Variants in LAMA3 observed in about 807,000 individuals in gnomAD.
LAMA3 encodes laminin subunit alpha 3.
LAMA3 carries 281 observed loss-of-function variants against 402.0 expected under a neutral mutation model. The observed-to-expected ratio is 0.70, with a 90% CI of 0.63 to 0.77. LAMA3 has a LOEUF of 0.77. LAMA3 is among the 30% of genes least tolerant of loss of function. The pLI is 0.00. For synonymous variants in LAMA3, 1,431 were observed against 1,558.4 expected, an observed-to-expected ratio of 0.92 and a Z score of 1.93; for missense variants, 3,840 against 4,215.5, an observed-to-expected ratio of 0.91 and a Z score of 2.47.
intron 12 of LAMA3, among the ~76,000 whole-genome samples, chr18:23,794,203 C>G (rs1476199411): frequency 6.6e-6 from 1 of 152,190 alleles, no homozygotes; most frequent in Non-Finnish European, 1.5e-5. Context: ...TTGACCCTCT[C>G]TGGGGAGAGT....
Position 23,915,651 on chromosome 18 carries a change from GA to G in LAMA3, c.7778+235del, listed in dbSNP as rs3837913. Reference sequence around the variant, plus strand: ...GAAATGCTAGATAGTTTTCTCACTTGAAAAAAGTCTTTATGAAAATTTTTGT... The same window carrying G: ...GAAATGCTAGATAGTTTTCTCACTTGAAAAAGTCTTTATGAAAATTTTTGT... On this transcript the variant is annotated intron_variant, in intron 59 of 74. Transcript: ENST00000313654. 3.4e-4 allele frequency among the ~76,000 whole-genome samples: 52 copies of G among 152,160 alleles called. No individual in the cohort carries two copies. The East Asian group carries it at 9.6e-3, about 28-fold the overall frequency.
At chr18:23,837,193 C>A in intron 25 of LAMA3, 104 bp downstream of exon 25, 1 of 753,180 alleles carries the variant, frequency 1.3e-6, no homozygotes, top group Non-Finnish European at 2.4e-6. Flanking sequence ...CTCCTATAAT[C>A]TGTGAAGAAT....
At position 23,864,877 on chromosome 18, in the gene LAMA3, G is replaced by C; in HGVS notation, c.4677G>C (p.Gln1559His). Reference protein sequence around the residue: ...MVLLEKKPDVQLTGQHMSIIY... With the variant: ...MVLLEKKPDVHLTGQHMSIIY... ...TTCTGGAAAAGAAGCCGGATGTACA[G>C]CTCACTGTAGGTATCAGAGCATGAC... is the stretch of plus-strand genomic sequence containing the variant. The change falls in exon 36 of 75, where the codon CAG becomes CAC. Residue 1559 changes from glutamine to histidine, a missense_variant. Physicochemically the swap from Gln to His is conservative, Grantham distance 24. Coordinates refer to ENST00000313654, the MANE Select transcript of LAMA3 (RefSeq NM_198129.4). 1 of 1,608,472 alleles carries C rather than the reference G, an allele frequency of 6.2e-7. No individual in the cohort carries two copies. Among genetic ancestry groups the C allele is most frequent in the South Asian group, 1.1e-5 (1 of 90,960 alleles).
At chr18:23,791,119 G>T (rs1311185658) in intron 12 of LAMA3, among the ~76,000 whole-genome samples, 1 of 152,000 alleles carries the variant, frequency 6.6e-6, no homozygotes, top group South Asian at 2.1e-4. Context: ...CTCGTGATCC[G>T]CCCGCCTCAG....
chr18:23,931,534 A>T, intron 65 of LAMA3: 1 of 235,034 alleles, frequency 4.3e-6, no homozygotes, highest in South Asian at 6.3e-5. Flanking sequence ...ATAAAATTTT[A>T]AAAATAAATC....
intron 23 of LAMA3, among the ~76,000 whole-genome samples, chr18:23,831,548 TCTC>T (rs2063491002): frequency 6.6e-6 from 1 of 152,094 alleles, no homozygotes; most frequent in South Asian, 2.1e-4. Flanking sequence ...CTCTCCCTCA[TCTC>T]CTCGACTAGC....
rs150639414 is a variant in LAMA3 at position 23,904,355 on chromosome 18, A to G, written c.6474-198A>G. Among the ~76,000 whole-genome samples the G allele has an allele frequency of 3.6e-3, 548 of 152,272 alleles. 1 individual carries two copies. The highest frequency in any genetic ancestry group is 0.021 in the South Asian group (99 of 4,814). ...AATGAAATGCGAAGAGGCTGGGCTCAAGTTGATGGCACCACTGCAGTCAAA... is the reference window on the plus strand; with the variant it reads ...AATGAAATGCGAAGAGGCTGGGCTCGAGTTGATGGCACCACTGCAGTCAAA... On this transcript the variant is annotated intron_variant, in intron 50 of 74. Transcript: ENST00000313654.
intron 70 of LAMA3, among the ~76,000 whole-genome samples, chr18:23,947,069 C>T (rs1266265687): frequency 6.6e-6 from 1 of 152,104 alleles, no homozygotes; most frequent in African/African-American, 2.4e-5. Context: ...GAATGCCAGA[C>T]GAAGGGAAAG....
intron 37 of LAMA3, among the ~76,000 whole-genome samples, chr18:23,868,568 C>T (rs752172241): frequency 2.6e-5 from 4 of 152,028 alleles, no homozygotes; most frequent in East Asian, 3.9e-4. Context: ...GCCATGGTCA[C>T]GCTACTGCAC....
chr18:23,770,588 T>C (rs1334008138), intron 8 of LAMA3, among the ~76,000 whole-genome samples: 4 of 152,004 alleles, frequency 2.6e-5, no homozygotes, highest in Non-Finnish European at 4.4e-5. Context: ...GGTGAAACCC[T>C]GACTCTACTA....
intron 2 of LAMA3, among the ~76,000 whole-genome samples, chr18:23,716,908 T>A (rs2061111238): frequency 6.6e-6 from 1 of 152,258 alleles, no homozygotes; most frequent in African/African-American, 2.4e-5. Context: ...AAGATTATTA[T>A]GAGTTCTAAA....
At chr18:23,733,326 A>G (rs1233455675) in intron 2 of LAMA3, among the ~76,000 whole-genome samples, 2 of 152,208 alleles carry the variant, frequency 1.3e-5, no homozygotes, top group Non-Finnish European at 2.9e-5. Context: ...ATAAAGAAAA[A>G]GAGGTTTAAT....
intron 2 of LAMA3, among the ~76,000 whole-genome samples, chr18:23,720,798 T>G (rs1419831470): frequency 6.6e-6 from 1 of 152,160 alleles, no homozygotes; most frequent in Non-Finnish European, 1.5e-5. Flanking sequence ...AGTGTTAATT[T>G]GGGGTGCTTT....
intron 35 of LAMA3, 64 bp from the exon 36 acceptor site, chr18:23,864,721 C>G: frequency 1.9e-6 from 2 of 1,049,104 alleles, no homozygotes; most frequent in Non-Finnish European, 3.0e-6. Context: ...GCTTTTCATG[C>G]GGGTTGATGT....
At chr18:23,908,141 C>A (rs528841051) in intron 54 of LAMA3, among the ~76,000 whole-genome samples, 1 of 152,084 alleles carries the variant, frequency 6.6e-6, no homozygotes, top group Non-Finnish European at 1.5e-5. Context: ...TTAGAAAATA[C>A]ATTGAAAATG....
intron 3 of LAMA3, among the ~76,000 whole-genome samples, chr18:23,748,387 C>T (rs2061688756): frequency 1.3e-5 from 2 of 149,590 alleles, no homozygotes; most frequent in Non-Finnish European, 3.0e-5. Context: ...TACCACTGCA[C>T]TCCAGCCTGG....
intron 34 of LAMA3, among the ~76,000 whole-genome samples, chr18:23,859,878 C>T (rs756759954): frequency 6.6e-6 from 1 of 152,222 alleles, no homozygotes; most frequent in African/African-American, 2.4e-5. Context: ...ACCCTCTCAT[C>T]CTACCTTGGT....
intron 11 of LAMA3, among the ~76,000 whole-genome samples, chr18:23,782,537 A>C (rs1205641064): frequency 6.6e-6 from 1 of 152,200 alleles, no homozygotes; most frequent in East Asian, 1.9e-4. Context: ...TGGGCGATAG[A>C]ATGAAACTCT....
intron 34 of LAMA3, among the ~76,000 whole-genome samples, chr18:23,861,168 C>T (rs913015469): frequency 7.0e-6 from 1 of 142,982 alleles, no homozygotes; most frequent in African/African-American, 2.9e-5. Context: ...TTGCTCAGTT[C>T]TTTCTTTTTT....
Sources: allele counts gnomAD v4.1 joint callset (sites outside exome capture counted in the v4.1 genomes callset), GRCh38; gene constraint gnomAD v4.1.1; transcripts MANE v1.5; gene names NCBI Gene and HGNC (gene_info 2026-07-23, HGNC 2026-07-21).